The following TATDN1 variants were observed in gnomAD, a reference collection of about 807,000 sequenced individuals.
TATDN1 encodes deoxyribonuclease TATDN1.
TATDN1 carries 40 observed loss-of-function variants against 46.4 expected under a neutral mutation model. That is an observed-to-expected ratio of 0.86 (90% confidence interval 0.67 to 1.12). The LOEUF (loss-of-function observed/expected upper bound fraction) is 1.12, where lower values mean the gene tolerates loss of function less well. Among genes scored for constraint, TATDN1 ranks in the 50% most tolerant of loss-of-function variants. TATDN1 has a pLI of 0.00. For synonymous variants in TATDN1, 95 were observed against 105.6 expected (o/e 0.90, Z 0.62); for missense variants, 326 against 348.4 (o/e 0.94, Z 0.51).
chr8:124,530,391 T>C (rs1214457540), intron 1 of TATDN1, among the ~76,000 whole-genome samples: 1 of 152,162 alleles, frequency 6.6e-6, no homozygotes, highest in South Asian at 2.1e-4. Flanking sequence ...ACTAGCAACA[T>C]GTGGGACAGC....
intron 1 of TATDN1, among the ~76,000 whole-genome samples, chr8:124,530,229 G>A (rs1222724062): frequency 6.6e-6 from 1 of 152,208 alleles, no homozygotes; most frequent in African/African-American, 2.4e-5. Flanking sequence ...AATTGGACCT[G>A]GAAAATCAAC....
intron 10 of TATDN1, chr8:124,494,172 TCTG>T: frequency 2.7e-6 from 1 of 365,464 alleles, no homozygotes; most frequent in Non-Finnish European, 4.8e-6. Context: ...ATTCCTTTTT[TCTG>T]CTAACATTGT....
rs555311666 is a variant in TATDN1, at chr8:124,508,988, C to T, written c.390-300G>A. ...CATCAGTGGGAGTCAACTCACCAAG[C>T]GAGAAGCCCAGGAGAGCTTCATACT... On this transcript the variant is annotated intron_variant, in intron 6 of 11. Coordinates refer to ENST00000276692, the MANE Select transcript of TATDN1 (RefSeq NM_032026.4). Among the ~76,000 whole-genome samples, 6 of 152,184 alleles carry T rather than the reference C, an allele frequency of 3.9e-5. No homozygotes were observed. In the East Asian group the frequency reaches 1.2e-3, roughly 29 times the overall value.
chr8:124,490,212 C>T (rs1218066290), intron 11 of TATDN1: 2 of 152,140 alleles, frequency 1.3e-5, no homozygotes, highest in Admixed American at 6.6e-5. Flanking sequence ...TTATTGAAAT[C>T]GCTTATAAGA....
Position 124,488,625 on chromosome 8 carries a change from T to C in TATDN1, c.863A>G (p.Asn288Ser), listed in dbSNP as rs770006315. The change falls in exon 12 of 12, where the codon AAT (asparagine) becomes AGT (serine). Residue 288 changes from asparagine to serine, a missense_variant. Coordinates refer to ENST00000276692, the MANE Select transcript of TATDN1 (RefSeq NM_032026.4). ...TCCAGGAAAAAATACTTTAATAGTA[T>C]TGTTATATAGTGTATTGGCTAATTC... ...PLELANTLYN[N>S]TIKVFFPGI The C allele has an allele frequency of 7.6e-6, 12 of 1,583,942 alleles. No homozygotes were observed. The highest frequency in any genetic ancestry group is 1.0e-5 in the Non-Finnish European group (12 of 1,156,052).
At chr8:124,489,219 T>C (rs1215897190) in intron 11 of TATDN1, 2 of 152,824 alleles carry the variant, frequency 1.3e-5, no homozygotes, top group Admixed American at 6.5e-5. Flanking sequence ...CAAATGAAGG[T>C]ATTAGGTTGC....
intron 6 of TATDN1, among the ~76,000 whole-genome samples, chr8:124,511,455 A>G (rs1819004478): frequency 6.6e-6 from 1 of 152,156 alleles, no homozygotes; most frequent in Admixed American, 6.5e-5. Context: ...TAAGACCTGC[A>G]CAGTGTTAAC....
chr8:124,522,657 G>T (rs1288150692), intron 2 of TATDN1, among the ~76,000 whole-genome samples: 1 of 152,156 alleles, frequency 6.6e-6, no homozygotes, highest in Non-Finnish European at 1.5e-5. Context: ...GACCTCAGGT[G>T]ATCCACTTGC....
chr8:124,495,419 C>G, intron 10 of TATDN1, 53 bp downstream of exon 10: 3 of 1,388,152 alleles, frequency 2.2e-6, no homozygotes, highest in Non-Finnish European at 3.0e-6. Flanking sequence ...CTCCAGCTTT[C>G]CTTTTTGTTT....
chr8:124,513,206 C>G (rs1262276835), intron 6 of TATDN1, among the ~76,000 whole-genome samples: 1 of 152,132 alleles, frequency 6.6e-6, no homozygotes, highest in Non-Finnish European at 1.5e-5. Context: ...AACCACCGCA[C>G]CCGGCTGTTT....
chr8:124,489,820 C>G (rs1418101898), intron 11 of TATDN1: 1 of 152,150 alleles, frequency 6.6e-6, no homozygotes, highest in Non-Finnish European at 1.5e-5. Flanking sequence ...GTTCCAAAGT[C>G]CAAATTGAAC....
intron 10 of TATDN1, chr8:124,494,825 C>T (rs1029345359): frequency 6.6e-6 from 1 of 152,194 alleles, no homozygotes; most frequent in African/African-American, 2.4e-5. Context: ...TGGGTTCAAG[C>T]AATTCTCCTG....
chr8:124,512,187 C>T (rs184887101), intron 6 of TATDN1, among the ~76,000 whole-genome samples: 6 of 152,242 alleles, frequency 3.9e-5, no homozygotes, highest in African/African-American at 1.2e-4. Context: ...CTTTGGGAGG[C>T]CGTGGTGGGC....
At position 124,508,700 on chromosome 8, in the gene TATDN1, A is replaced by C; in HGVS notation, c.390-12T>G. On this transcript the variant is annotated splice_polypyrimidine_tract_variant and intron_variant, in intron 6 of 11. Coordinates refer to ENST00000276692, the MANE Select transcript of TATDN1 (RefSeq NM_032026.4). ...GTTTTTCAAAATATCTGCATAATGC[A>C]AAAAAAAAAAATTCTCATTACAAAT... The C allele has an allele frequency of 1.7e-6, 1 of 582,886 alleles. No homozygotes were observed. The highest frequency in any genetic ancestry group is 2.4e-6 in the Non-Finnish European group (1 of 420,524). 36.1% of individuals were successfully genotyped at this position (582,886 alleles called of 1,614,324 possible).
At chr8:124,527,686 A>G (rs907553824) in intron 1 of TATDN1, among the ~76,000 whole-genome samples, 9 of 151,744 alleles carry the variant, frequency 5.9e-5, no homozygotes, top group African/African-American at 1.9e-4. Flanking sequence ...GGTGCTTAGA[A>G]ATTTACTTTT....
At chr8:124,521,658 G>A (rs545356910) in intron 3 of TATDN1, 1 of 152,762 alleles carries the variant, frequency 6.5e-6, no homozygotes, top group Admixed American at 6.5e-5. Context: ...CTGTTTTAAA[G>A]CTAATTTAAA....
chr8:124,511,694 AC>A (rs1271260615), intron 6 of TATDN1, among the ~76,000 whole-genome samples: 2 of 152,068 alleles, frequency 1.3e-5, no homozygotes, highest in African/African-American at 4.8e-5. Flanking sequence ...AGGTCTAGGT[AC>A]TAAAACAAGA....
rs1818698227 is a variant in TATDN1 at position 124,508,406 on chromosome 8, T to C, written c.516+68A>G. 11 of 1,358,438 alleles carry C rather than the reference T, an allele frequency of 8.1e-6. No individual in the cohort carries two copies. In the South Asian group the frequency reaches 1.1e-4, roughly 14 times the overall value. 84.1% of individuals were successfully genotyped at this position (1,358,438 alleles called of 1,614,324 possible). On this transcript the variant is annotated intron_variant, in intron 8 of 11. Transcript: ENST00000276692. The stretch of plus-strand genomic sequence containing the variant: ...TTCAGATTTTGGAGCATTTTGTACT[T>C]GGGAGTATTTTGGATTTTTGGATTA...
At chr8:124,490,797 A>C (rs1816926497) in intron 11 of TATDN1, among the ~76,000 whole-genome samples, 1 of 150,104 alleles carries the variant, frequency 6.7e-6, no homozygotes, top group South Asian at 2.1e-4. Context: ...CCCAAGCTGG[A>C]GTGCAGTGGT....
Sources: gnomAD v4.1 joint callset for allele counts (sites outside exome capture counted in the v4.1 genomes callset) on GRCh38, gnomAD v4.1.1 for gene constraint, MANE v1.5 for transcripts, NCBI Gene and HGNC (gene_info 2026-07-23, HGNC 2026-07-21) for gene names.